The following DNAH3 variants were observed in gnomAD, a reference collection of about 807,000 sequenced individuals.
The protein encoded by DNAH3 is axonemal beta dynein heavy chain 3.
Under a neutral mutation model 432.5 loss-of-function variants are expected in DNAH3, and 332 were observed. That is an observed-to-expected ratio of 0.77 (90% CI 0.70 to 0.84). The LOEUF is 0.84. DNAH3 is among the 40% of genes least tolerant of loss of function. DNAH3 has a pLI of 0.00. For synonymous variants in DNAH3, 1,956 were observed against 1,900.2 expected (o/e 1.03, Z -0.76); for missense variants, 4,861 against 5,114.0 (o/e 0.95, Z 1.51).
intron 56 of DNAH3, among the ~76,000 whole-genome samples, chr16:20,952,023 G>A (rs1481608674): frequency 6.6e-6 from 1 of 151,204 alleles, no homozygotes; most frequent in Non-Finnish European, 1.5e-5. Context: ...GCTTACAGGC[G>A]TGAGCCACCA....
At chr16:21,135,857 T>A (rs1435303683) in intron 6 of DNAH3, among the ~76,000 whole-genome samples, 2 of 145,510 alleles carry the variant, frequency 1.4e-5, no homozygotes, top group Non-Finnish European at 3.0e-5. Flanking sequence ...CTAGGCAACA[T>A]AGGGAGACCT....
intron 18 of DNAH3, among the ~76,000 whole-genome samples, chr16:21,090,921 G>C (rs1199608738): frequency 6.6e-6 from 1 of 152,102 alleles, no homozygotes; most frequent in African/African-American, 2.4e-5. Context: ...GGAATCAGAG[G>C]CGGGTGGATT....
At chr16:21,042,737 T>C (rs2089503648) in intron 31 of DNAH3, among the ~76,000 whole-genome samples, 1 of 152,142 alleles carries the variant, frequency 6.6e-6, no homozygotes, top group Admixed American at 6.6e-5. Flanking sequence ...AGGTTACATA[T>C]ATATACATGT....
At chr16:21,008,654 G>T (rs1418846541) in intron 41 of DNAH3, among the ~76,000 whole-genome samples, 2 of 152,124 alleles carry the variant, frequency 1.3e-5, no homozygotes, top group Non-Finnish European at 2.9e-5. Context: ...GACCTTTTGT[G>T]CAGCTGCCCA....
intron 41 of DNAH3, among the ~76,000 whole-genome samples, chr16:21,009,151 T>C (rs1293560360): frequency 6.6e-6 from 1 of 152,226 alleles, no homozygotes; most frequent in Non-Finnish European, 1.5e-5. Context: ...CCATCTGTGA[T>C]AGCAAAGAAA....
intron 37 of DNAH3, 116 bp downstream of exon 37, chr16:21,030,929 A>T (rs2088836746): frequency 9.4e-7 from 1 of 1,067,496 alleles, no homozygotes; most frequent in Non-Finnish European, 1.4e-6. Flanking sequence ...TTCTTAATGT[A>T]TACAGAATAC....
intron 8 of DNAH3, among the ~76,000 whole-genome samples, chr16:21,126,025 T>C (rs1401631472): frequency 6.6e-6 from 1 of 152,076 alleles, no homozygotes; most frequent in East Asian, 1.9e-4. Flanking sequence ...GCATGGTGCA[T>C]GGTGACACAC....
intron 44 of DNAH3, among the ~76,000 whole-genome samples, chr16:20,993,886 T>C (rs2086657134): frequency 6.6e-6 from 1 of 152,210 alleles, no homozygotes; most frequent in African/African-American, 2.4e-5. Flanking sequence ...TTTATGCTGT[T>C]TATTAGCGTA....
At chr16:21,156,218 T>A (rs2092896747) in intron 1 of DNAH3, among the ~76,000 whole-genome samples, 1 of 150,082 alleles carries the variant, frequency 6.7e-6, no homozygotes, top group African/African-American at 2.4e-5. Context: ...TATTTTATTT[T>A]ATTTTATTAT....
intron 7 of DNAH3, among the ~76,000 whole-genome samples, chr16:21,131,370 G>GAGGAAGGAAGGA (rs200848913): frequency 1.3e-5 from 2 of 149,904 alleles, no homozygotes; most frequent in African/African-American, 4.9e-5. Context: ...CAGGGTCACA[G>GAGGAAGGAAGGA]AGGAAGGAAG....
chr16:21,153,398 GT>G (rs1418241321), intron 1 of DNAH3, among the ~76,000 whole-genome samples: 2 of 151,934 alleles, frequency 1.3e-5, no homozygotes, highest in Non-Finnish European at 2.9e-5. Flanking sequence ...AGCTAATCTG[GT>G]GGGGACTTGG....
exon 53 of DNAH3, chr16:20,964,235 G>C: frequency 6.2e-7 from 1 of 1,614,112 alleles, no homozygotes; most frequent in Non-Finnish European, 8.5e-7. Context: ...TTCTCTTCCA[G>C]CTCTGGCTTC....
At position 21,005,123 on chromosome 16, in the gene DNAH3, T is replaced by G. The variant is rs192507866; in HGVS notation, c.6023-1916A>C. ...AATTCATCTCTTAGTTGACTAATTT[T>G]CTTCCTCTTTCTCTTCTTTCTCTCG... On this transcript the variant is annotated intron_variant, in intron 41 of 61. Transcript: ENST00000261383. Among the ~76,000 whole-genome samples the G allele has an allele frequency of 2.2e-4, 34 of 152,230 alleles. No individual in the cohort carries two copies. The East Asian group carries it at 6.6e-3, about 29-fold the overall frequency.
intron 16 of DNAH3, among the ~76,000 whole-genome samples, chr16:21,100,088 G>GTCTC (rs745925464): frequency 6.6e-6 from 1 of 151,542 alleles, no homozygotes; most frequent in African/African-American, 2.4e-5. Flanking sequence ...AGTGGTTTGA[G>GTCTC]TCTCTCTCTC....
chr16:21,042,461 T>G (rs1413841629), intron 31 of DNAH3, among the ~76,000 whole-genome samples: 1 of 152,168 alleles, frequency 6.6e-6, no homozygotes, highest in Non-Finnish European at 1.5e-5. Flanking sequence ...GCATAGTACT[T>G]GACACACAGT....
chr16:20,981,649 C>T (rs1259463871), intron 49 of DNAH3, among the ~76,000 whole-genome samples: 7 of 152,040 alleles, frequency 4.6e-5, no homozygotes, highest in African/African-American at 7.2e-5. Context: ...CGCATTAACC[C>T]GGGAGGCGGA....
At chr16:21,051,049 G>C (rs1289951506) in intron 29 of DNAH3, among the ~76,000 whole-genome samples, 1 of 152,130 alleles carries the variant, frequency 6.6e-6, no homozygotes, top group African/African-American at 2.4e-5. Context: ...AATGAATGAA[G>C]AGCAAAAATC....
At chr16:20,940,475 G>T (rs1208748146) in intron 59 of DNAH3, among the ~76,000 whole-genome samples, 1 of 152,068 alleles carries the variant, frequency 6.6e-6, no homozygotes, top group Non-Finnish European at 1.5e-5. Context: ...CACCCAGGCT[G>T]GAGTGCAGTG....
At chr16:20,973,233 C>A (rs2085426155) in intron 51 of DNAH3, among the ~76,000 whole-genome samples, 1 of 152,060 alleles carries the variant, frequency 6.6e-6, no homozygotes, top group East Asian at 1.9e-4. Flanking sequence ...TGTCAACTCT[C>A]ATATGCCCAT....
Sources: gnomAD v4.1 joint callset for allele counts (sites outside exome capture counted in the v4.1 genomes callset) on GRCh38, gnomAD v4.1.1 for gene constraint, MANE v1.5 for transcripts, NCBI Gene and HGNC (gene_info 2026-07-23, HGNC 2026-07-21) for gene names.